The following XRCC4 variants were observed in gnomAD, a reference collection of about 807,000 sequenced individuals.
The protein encoded by XRCC4 is X-ray repair cross complementing 4.
A neutral mutation model predicts 39.1 loss-of-function variants in XRCC4; 28 were observed. That is an observed-to-expected ratio of 0.72 (90% CI 0.53 to 0.98). The LOEUF (loss-of-function observed/expected upper bound fraction) is 0.98, where lower values mean the gene tolerates loss of function less well. XRCC4 is among the 50% of genes least tolerant of loss of function. The probability of loss-of-function intolerance (pLI) is 0.00; values close to 1 mark genes in which losing one functional copy is unlikely to be tolerated. For missense variants in XRCC4, 350 were observed against 376.4 expected (o/e 0.93, Z 0.58); for synonymous variants, 123 against 126.4 (o/e 0.97, Z 0.18).
chr5:83,104,876 T>C, intron 1 of XRCC4, 34 bp from the exon 2 acceptor site: 1 of 1,594,118 alleles, frequency 6.3e-7, no homozygotes, highest in Non-Finnish European at 8.6e-7. Flanking sequence ...TTACAGTTTC[T>C]TTTAAAAATA....
chr5:83,185,433 T>C (rs1343005585), intron 3 of XRCC4, among the ~76,000 whole-genome samples: 1 of 150,184 alleles, frequency 6.7e-6, no homozygotes, highest in Admixed American at 6.6e-5. Flanking sequence ...TATATATATA[T>C]ATATATAAAA....
chr5:83,287,360 CAG>C (rs765773563), intron 7 of XRCC4, among the ~76,000 whole-genome samples: 1 of 151,998 alleles, frequency 6.6e-6, no homozygotes, highest in African/African-American at 2.4e-5. Context: ...CCTAGTGTAA[CAG>C]AGAGAGAATA....
At chr5:83,181,182 ATTTAT>A (rs1396401561) in intron 3 of XRCC4, among the ~76,000 whole-genome samples, 1 of 150,384 alleles carries the variant, frequency 6.6e-6, no homozygotes, top group Non-Finnish European at 1.5e-5. Flanking sequence ...AATTTTCTTA[ATTTAT>A]TACCACCTCT....
chr5:83,258,319 GT>G (rs1753624582), intron 6 of XRCC4, among the ~76,000 whole-genome samples: 2 of 151,856 alleles, frequency 1.3e-5, no homozygotes, highest in Non-Finnish European at 2.9e-5. Flanking sequence ...AAATTATTCC[GT>G]GTGTACAATA....
chr5:83,224,440 C>G (rs1752212135), intron 6 of XRCC4, among the ~76,000 whole-genome samples: 1 of 152,092 alleles, frequency 6.6e-6, no homozygotes, highest in African/African-American at 2.4e-5. Flanking sequence ...TGATGTCACA[C>G]TTTATATGTT....
chr5:83,222,609 T>C (rs1383435842), intron 6 of XRCC4, among the ~76,000 whole-genome samples: 1 of 152,190 alleles, frequency 6.6e-6, no homozygotes, highest in Non-Finnish European at 1.5e-5. Flanking sequence ...AGGAACATGT[T>C]GTTTAATTTT....
At chr5:83,299,188 C>G (rs1043142805) in intron 7 of XRCC4, among the ~76,000 whole-genome samples, 2 of 151,988 alleles carry the variant, frequency 1.3e-5, no homozygotes, top group Non-Finnish European at 2.9e-5. Context: ...GGAAAAAATT[C>G]TACTGGAGCT....
chr5:83,162,711 C>T lies in XRCC4; in HGVS notation c.316-33059C>T, dbSNP rs954188245. 3.1e-4 allele frequency among the ~76,000 whole-genome samples: 47 copies of T among 151,982 alleles called. 1 individual carries two copies. The highest frequency in any genetic ancestry group is 9.9e-4 in the African/African-American group (41 of 41,394). On this transcript the variant is annotated intron_variant, in intron 3 of 7. Transcript: ENST00000396027. ...CTGGAAACTTAAAGTTCGTGGGTTT[C>T]TAGAAACATAAATAAAGAACAGATG... is the stretch of plus-strand genomic sequence containing the variant.
the XRCC4 span, among the ~76,000 whole-genome samples, chr5:83,367,755 ATTTT>A: frequency 7.0e-6 from 1 of 142,332 alleles, no homozygotes; most frequent in African/African-American, 2.6e-5. Flanking sequence ...TACCCAGCTA[ATTTT>A]TTTTTTTTTT....
intron 6 of XRCC4, among the ~76,000 whole-genome samples, chr5:83,246,876 A>G (rs1285072846): frequency 6.6e-6 from 1 of 152,218 alleles, no homozygotes; most frequent in African/African-American, 2.4e-5. Context: ...GAGGCGTACT[A>G]TGATCTGATG....
intron 3 of XRCC4, among the ~76,000 whole-genome samples, chr5:83,122,983 T>C (rs1264792646): frequency 6.6e-6 from 1 of 152,032 alleles, no homozygotes; most frequent in African/African-American, 2.4e-5. Context: ...TGTATGCACT[T>C]GAAAGAATTA....
At chr5:83,144,918 C>T (rs1367048326) in intron 3 of XRCC4, among the ~76,000 whole-genome samples, 1 of 152,018 alleles carries the variant, frequency 6.6e-6, no homozygotes, top group Admixed American at 6.6e-5. Flanking sequence ...TTATTTGAGA[C>T]GGAGTCTCAC....
At chr5:83,313,572 GA>G (rs1249392125) in intron 7 of XRCC4, among the ~76,000 whole-genome samples, 1 of 151,732 alleles carries the variant, frequency 6.6e-6, no homozygotes, top group African/African-American at 2.4e-5. Context: ...ATACTGCTCA[GA>G]AAAAAAAGAT....
In XRCC4 at chr5:83,204,882, G is replaced by A. The variant is rs762812825; in HGVS notation, c.706G>A (p.Glu236Lys). The A allele has an allele frequency of 1.3e-5, 21 of 1,612,334 alleles. No homozygotes were observed. In the Admixed American group the frequency reaches 3.3e-4, roughly 26 times the overall value. The change falls in exon 6 of 8, where the codon GAA (glutamate) becomes AAA (lysine). Residue 236 changes from glutamate to lysine, a missense_variant. Glu to Lys is a moderately conservative substitution (Grantham distance 56). Transcript: ENST00000396027. ...DPVYDESTDE[E>K]SENQTDLSGL... is the part of the protein sequence containing the mutation. ...AGTCTATGATGAGAGTACTGATGAGGAAAGTGAAAACCAAACTGATCTCTC... is the reference window on the plus strand; with the variant it reads ...AGTCTATGATGAGAGTACTGATGAGAAAAGTGAAAACCAAACTGATCTCTC...
chr5:83,193,765 T>C (rs1454549963), intron 3 of XRCC4, among the ~76,000 whole-genome samples: 2 of 152,244 alleles, frequency 1.3e-5, no homozygotes, highest in African/African-American at 2.4e-5. Flanking sequence ...CTCTCAAAGC[T>C]ACCTGACAAT....
At chr5:83,240,003 A>C (rs1041164573) in intron 6 of XRCC4, among the ~76,000 whole-genome samples, 3 of 151,668 alleles carry the variant, frequency 2.0e-5, no homozygotes, top group Non-Finnish European at 2.9e-5. Flanking sequence ...ACAGAGGAAA[A>C]AAAAACAAAA....
intron 6 of XRCC4, among the ~76,000 whole-genome samples, chr5:83,252,594 A>G (rs62371871): frequency 1.5e-4 from 23 of 152,108 alleles, no homozygotes; most frequent in Non-Finnish European, 3.4e-4. Context: ...TTTTTTATTT[A>G]AAAATATTTG....
chr5:83,086,992 A>G (rs1348586582), intron 1 of XRCC4, among the ~76,000 whole-genome samples: 4 of 152,154 alleles, frequency 2.6e-5, no homozygotes, highest in African/African-American at 9.7e-5. Context: ...TCTGTTTTAT[A>G]TAACCTCTAA....
At chr5:83,359,311 G>A in the XRCC4 span, among the ~76,000 whole-genome samples, 1 of 152,110 alleles carries the variant, frequency 6.6e-6, no homozygotes, top group Admixed American at 6.6e-5. Flanking sequence ...GCCCAATACA[G>A]TACCCATGCT....
Sources: allele counts gnomAD v4.1 joint callset (sites outside exome capture counted in the v4.1 genomes callset), GRCh38; gene constraint gnomAD v4.1.1; transcripts MANE v1.5; gene names NCBI Gene and HGNC (gene_info 2026-07-23, HGNC 2026-07-21).